STN1: variants seen among roughly 807,000 people sequenced by gnomAD.
STN1 encodes CST complex subunit STN1.
STN1 carries 29 observed loss-of-function variants against 45.5 expected under a neutral mutation model. The observed-to-expected ratio is 0.64, with a 90% CI of 0.47 to 0.87. The LOEUF is 0.87. Ranked by LOEUF, STN1 falls within the 40% of genes least tolerant of loss-of-function variation. The pLI is 0.00. For missense variants in STN1, 376 were observed against 441.4 expected (o/e 0.85, Z 1.33); for synonymous variants, 148 against 159.0 (o/e 0.93, Z 0.52).
Position 103,897,732 on chromosome 10 carries a change from A to T in STN1, c.582-13T>A. On this transcript the variant is annotated splice_polypyrimidine_tract_variant and intron_variant, in intron 6 of 9. Transcript: ENST00000224950. ...GGCGCCTGGATTGCTGCGGAGGGAA[A>T]GTTTTAAAGAGCTCTGCAGAAAACC... 6.2e-7 allele frequency: 1 copy of T among 1,612,422 alleles called. No individual in the cohort carries two copies. The highest frequency in any genetic ancestry group is 8.5e-7 in the Non-Finnish European group (1 of 1,179,094).
intron 2 of STN1, among the ~76,000 whole-genome samples, chr10:103,916,473 A>G (rs1204887265): frequency 6.6e-6 from 1 of 152,244 alleles, no homozygotes; most frequent in African/African-American, 2.4e-5. Flanking sequence ...AATCTGTACA[A>G]AAGGCATTAG....
chr10:103,899,038 C>T (rs1187641885), intron 5 of STN1, 38 bp from the exon 6 acceptor site: 2 of 1,609,396 alleles, frequency 1.2e-6, no homozygotes, highest in African/African-American at 2.7e-5. Flanking sequence ...ACAGAAATTA[C>T]AAATTACATT....
intron 9 of STN1, among the ~76,000 whole-genome samples, chr10:103,884,722 G>A (rs975594595): frequency 3.3e-5 from 5 of 152,188 alleles, no homozygotes; most frequent in Admixed American, 2.6e-4. Context: ...TTCAAGGTTT[G>A]GTGCACTTCT....
intron 7 of STN1, among the ~76,000 whole-genome samples, chr10:103,893,435 T>A (rs182878772): frequency 6.6e-6 from 1 of 152,310 alleles, no homozygotes; most frequent in Admixed American, 6.5e-5. Flanking sequence ...CTCAAAGTGC[T>A]GGGATTACAG....
intron 8 of STN1, among the ~76,000 whole-genome samples, chr10:103,889,692 T>C (rs1251640658): frequency 3.1e-5 from 3 of 96,160 alleles, no homozygotes; most frequent in South Asian, 3.5e-4. Flanking sequence ...CTTTTTCTTT[T>C]TCCTTTTTTT....
At chr10:103,903,517 G>A (rs1843222542) in intron 4 of STN1, among the ~76,000 whole-genome samples, 1 of 152,284 alleles carries the variant, frequency 6.6e-6, no homozygotes, top group African/African-American at 2.4e-5. Context: ...CCACTCTCAT[G>A]AATGAATTAA....
At chr10:103,914,364 A>ATTT (rs1564636156) in intron 2 of STN1, among the ~76,000 whole-genome samples, 3 of 8,722 alleles carry the variant, frequency 3.4e-4, no homozygotes, top group Non-Finnish European at 4.9e-4. Context: ...ATATATATAT[A>ATTT]TATATATATA....
intron 2 of STN1, 25 bp from the exon 3 acceptor site, chr10:103,910,647 G>A (rs369326969): frequency 1.3e-5 from 17 of 1,327,180 alleles, no homozygotes; most frequent in East Asian, 2.3e-5. Flanking sequence ...AAGCAAAGTC[G>A]ACATAATGTA....
intron 3 of STN1, among the ~76,000 whole-genome samples, chr10:103,909,426 A>ATATATATGTATATATATGTATATATG (rs1315737208): frequency 5.3e-5 from 3 of 57,078 alleles, no homozygotes; most frequent in African/African-American, 7.9e-5. Context: ...GTATATATGT[A>ATATATATGTATATATATGTATATATG]TATATATGTA....
chr10:103,892,065 A>G (rs950754576), intron 8 of STN1, 65 bp downstream of exon 8: 8 of 1,291,314 alleles, frequency 6.2e-6, no homozygotes, highest in African/African-American at 1.5e-5. Context: ...GTGGTTATTC[A>G]TAAGTAATAA....
At chr10:103,885,682 G>A (rs1843098803) in intron 9 of STN1, among the ~76,000 whole-genome samples, 2 of 152,130 alleles carry the variant, frequency 1.3e-5, no homozygotes, top group South Asian at 2.1e-4. Flanking sequence ...GAGCCACTGT[G>A]CCTGGCCTTA....
intron 2 of STN1, among the ~76,000 whole-genome samples, chr10:103,915,177 A>G (rs1421170467): frequency 1.3e-5 from 2 of 152,186 alleles, no homozygotes; most frequent in African/African-American, 4.8e-5. Flanking sequence ...CATGATTATC[A>G]ACTAGGGAAG....
chr10:103,914,661 T>C (rs1843317590), intron 2 of STN1, among the ~76,000 whole-genome samples: 1 of 151,826 alleles, frequency 6.6e-6, no homozygotes, highest in Non-Finnish European at 1.5e-5. Context: ...GATACTTTTT[T>C]TTTAATGCAA....
intron 4 of STN1, among the ~76,000 whole-genome samples, chr10:103,903,728 T>C (rs1843224021): frequency 6.6e-6 from 1 of 152,204 alleles, no homozygotes; most frequent in South Asian, 2.1e-4. Context: ...TCTTTCTTTA[T>C]AAAATTACCC....
At chr10:103,913,658 G>A (rs1233085851) in intron 2 of STN1, among the ~76,000 whole-genome samples, 6 of 152,122 alleles carry the variant, frequency 3.9e-5, no homozygotes, top group Admixed American at 3.3e-4. Flanking sequence ...TGAAGACATG[G>A]AAAAAAGAAT....
rs755228476 is a variant in STN1, at chr10:103,900,209, C to T, written c.310G>A (p.Ala104Thr). The T allele has an allele frequency of 1.9e-6, 3 of 1,614,072 alleles. No individual in the cohort carries two copies. Among genetic ancestry groups the T allele is most frequent in the South Asian group, 1.1e-5 (1 of 91,064 alleles). The change falls in exon 5 of 10, where the codon GCA becomes ACA. Residue 104 changes from alanine (A) to threonine (T), a missense_variant. Physicochemically the swap from Ala to Thr is moderately conservative, Grantham distance 58 (BLOSUM62 0). Coordinates refer to ENST00000224950, the MANE Select transcript of STN1 (RefSeq NM_024928.5). The stretch of plus-strand genomic sequence containing the variant: ...TGTGAGGTTAAGCTGAGCTCTCTTG[C>T]TGCACTTGGAGCAGCTGTAGTTGTT... ...TESVSAAPSA[A>T]RELSLTSQLK...
At chr10:103,888,200 C>G (rs750167570) in intron 9 of STN1, among the ~76,000 whole-genome samples, 1 of 152,172 alleles carries the variant, frequency 6.6e-6, no homozygotes, top group Non-Finnish European at 1.5e-5. Flanking sequence ...AAACCTGGCC[C>G]AGCTTCACCC....
chr10:103,906,143 G>A (rs1843239163), intron 3 of STN1, among the ~76,000 whole-genome samples: 1 of 152,134 alleles, frequency 6.6e-6, no homozygotes, highest in African/African-American at 2.4e-5. Context: ...ATAAATCCTA[G>A]ATGGGTTTCA....
chr10:103,883,561 G>A (rs1033170031), intron 9 of STN1, among the ~76,000 whole-genome samples: 3 of 151,954 alleles, frequency 2.0e-5, no homozygotes, highest in Non-Finnish European at 4.4e-5. Context: ...AGAGAGACAC[G>A]ACCATGAAAC....
Sources: gnomAD v4.1 joint callset for allele counts (sites outside exome capture counted in the v4.1 genomes callset) on GRCh38, gnomAD v4.1.1 for gene constraint, MANE v1.5 for transcripts, NCBI Gene and HGNC (gene_info 2026-07-23, HGNC 2026-07-21) for gene names.